DSE: variants seen among roughly 807,000 people sequenced by gnomAD.
The protein encoded by DSE is dermatan sulfate epimerase, also known as dermatan-sulfate epimerase.
Under a neutral mutation model 84.4 loss-of-function variants are expected in DSE, and 36 were observed. The observed-to-expected ratio is 0.43, with a 90% confidence interval of 0.33 to 0.56. The LOEUF (loss-of-function observed/expected upper bound fraction) is 0.56. Among genes scored for constraint, DSE ranks in the 20% least tolerant of loss-of-function variants. DSE has a pLI of 0.06. For synonymous variants in DSE, 410 were observed against 430.1 expected, an observed-to-expected ratio of 0.95 and a Z score of 0.58; for missense variants, 862 against 1,169.6, an observed-to-expected ratio of 0.74 and a Z score of 3.84.
In DSE at chr6:116,431,005, A is replaced by G; in HGVS notation, c.722A>G (p.Glu241Gly). 4 of 1,614,150 alleles carry G rather than the reference A, an allele frequency of 2.5e-6. No individual in the cohort carries two copies. The highest frequency in any genetic ancestry group is 3.4e-6 in the Non-Finnish European group (4 of 1,180,034). Residue 241 changes from glutamate (E) to glycine (G), a missense_variant, in exon 4 of 6, where the codon GAG (glutamate) becomes GGG (glycine). Physicochemically the swap from Glu to Gly is moderately conservative, Grantham distance 98. Around this residue, in one of 4 missense-constraint regions of DSE, gnomAD observed 309 missense variants for 516.9 expected, o/e 0.60. Coordinates refer to ENST00000644252, the MANE Select transcript of DSE (RefSeq NM_013352.4). ...ACCAAACAAGTTCTGACCATCATGG[A>G]GAAATCTCTGGTCTTGCTCAGGGAG... ...LWTKQVLTIM[E>G]KSLVLLREVT...
At chr6:116,392,770 C>G (rs773872872) in intron 1 of DSE, among the ~76,000 whole-genome samples, 2 of 152,166 alleles carry the variant, frequency 1.3e-5, no homozygotes, top group Non-Finnish European at 2.9e-5. Context: ...AGACAGTTAT[C>G]TAATAATTCA....
chr6:116,279,649 G>C (rs1415426376), intron 2 of DSE: 1 of 1,605,914 alleles, frequency 6.2e-7, no homozygotes, highest in South Asian at 1.1e-5. Flanking sequence ...AGGCGGTGGA[G>C]GCGGGAGCGC....
intron 1 of DSE, among the ~76,000 whole-genome samples, chr6:116,396,216 A>G (rs141590063): frequency 6.6e-5 from 10 of 152,316 alleles, no homozygotes; most frequent in East Asian, 1.9e-4. Context: ...TCCATGATAC[A>G]TAGAGGAAGA....
chr6:116,355,434 A>G (rs1464328352), intron 2 of DSE, among the ~76,000 whole-genome samples: 2 of 152,170 alleles, frequency 1.3e-5, no homozygotes, highest in Non-Finnish European at 2.9e-5. Context: ...CTTCTACTCC[A>G]ATTAGGCCAC....
At chr6:116,370,863 C>A (rs1043204967), upstream of DSE, 61 of 985,810 alleles carry the variant, frequency 6.2e-5, no homozygotes, top group African/African-American at 1.2e-4. Flanking sequence ...TTTCCTCCCC[C>A]CTCCAGCGGA....
upstream of DSE, among the ~76,000 whole-genome samples, chr6:116,367,583 CAAG>C (rs1184439153): frequency 6.6e-6 from 1 of 152,004 alleles, no homozygotes; most frequent in East Asian, 1.9e-4. Flanking sequence ...TTTGTTCAGA[CAAG>C]AAGAACATGG....
intron 1 of DSE, chr6:116,257,417 C>T (rs2114587265): frequency 6.6e-6 from 1 of 152,352 alleles, no homozygotes; most frequent in African/African-American, 2.4e-5. Flanking sequence ...GAAAAGCCAC[C>T]TTCTTAGAAA....
intron 2 of DSE, among the ~76,000 whole-genome samples, chr6:116,362,727 A>G (rs1778974020): frequency 6.6e-6 from 1 of 152,208 alleles, no homozygotes; most frequent in Admixed American, 6.5e-5. Context: ...GCAGTGGTCC[A>G]TGGACCATAT....
Position 116,435,624 on chromosome 6 carries a change from T to G in DSE, c.1156T>G (p.Phe386Val), listed in dbSNP as rs774753703. ...CTTGAAATCGGTTCCTCCTCCAGAC[T>G]TTGGCACCCCTACACTGCATTATTT... is the stretch of plus-strand genomic sequence containing the variant. ...GSLKSVPPPD[F>V]GTPTLHYFED... Residue 386 changes from phenylalanine to valine, a missense_variant, in exon 6 of 6, where the codon TTT becomes GTT. Transcript: ENST00000644252. The G allele has an allele frequency of 1.8e-5, 29 of 1,594,516 alleles. No homozygotes were observed. Among genetic ancestry groups the G allele is most frequent in the Non-Finnish European group, 2.5e-5 (29 of 1,169,250 alleles).
chr6:116,409,620 A>G (rs1157609485), intron 2 of DSE, among the ~76,000 whole-genome samples: 1 of 152,174 alleles, frequency 6.6e-6, no homozygotes, highest in African/African-American at 2.4e-5. Flanking sequence ...TGGGTATTTT[A>G]TTAGGCATTG....
intron 2 of DSE, among the ~76,000 whole-genome samples, chr6:116,341,875 T>G (rs984819942): frequency 6.6e-6 from 1 of 152,244 alleles, no homozygotes; most frequent in Non-Finnish European, 1.5e-5. Context: ...ACCAGTACCA[T>G]GCTGTTTTGG....
chr6:116,320,340 T>TA (rs1313630030), intron 2 of DSE, among the ~76,000 whole-genome samples: 1 of 151,570 alleles, frequency 6.6e-6, no homozygotes, highest in Non-Finnish European at 1.5e-5. Context: ...TCTCCTTTGG[T>TA]AAAAATGAGA....
In DSE at chr6:116,359,722, A is replaced by G. The variant is rs191346363; in HGVS notation, c.-53-39476A>G. On this transcript the variant is annotated intron_variant, in intron 2 of 3. Coordinates refer to the DSE transcript ENST00000430252. ...GGACAGGTAATATGGTTAAGTGGAAACAGATAGGCTTTGCAATATTATTAC... is the reference window on the plus strand; with the variant it reads ...GGACAGGTAATATGGTTAAGTGGAAGCAGATAGGCTTTGCAATATTATTAC... Among the ~76,000 whole-genome samples the G allele has an allele frequency of 2.6e-3, 392 of 152,344 alleles. 2 individuals are homozygous for G. Among genetic ancestry groups the G allele is most frequent in the Non-Finnish European group, 4.1e-3 (278 of 68,024 alleles).
chr6:116,371,606 C>G (rs953903033), intron 1 of DSE, among the ~76,000 whole-genome samples: 1 of 152,136 alleles, frequency 6.6e-6, no homozygotes, highest in African/African-American at 2.4e-5. Context: ...CAGATCCTGG[C>G]GCTGGCAACC....
Position 116,399,231 on chromosome 6 carries a change from T to G in DSE, c.-20T>G. The G allele has an allele frequency of 6.2e-7, 1 of 1,613,234 alleles. No individual in the cohort carries two copies. On this transcript the variant is annotated 5_prime_UTR_variant, in exon 2 of 6. Transcript: ENST00000644252. ...GAAGATGGTTTGGCTGCCTTGGAGA[T>G]TTGGAGATCTGATGCCACGATGAGG... is the stretch of plus-strand genomic sequence containing the variant.
At chr6:116,389,413 T>C (rs992580326) in intron 1 of DSE, among the ~76,000 whole-genome samples, 1 of 152,106 alleles carries the variant, frequency 6.6e-6, no homozygotes, top group African/African-American at 2.4e-5. Flanking sequence ...GTGAGGGCTT[T>C]AAAGGTGCTA....
intron 2 of DSE, among the ~76,000 whole-genome samples, chr6:116,261,171 A>T (rs1772397564): frequency 6.6e-6 from 1 of 151,924 alleles, no homozygotes; most frequent in Non-Finnish European, 1.5e-5. Context: ...TTTTGTCGTT[A>T]TCCTTGTAGA....
At chr6:116,357,731 G>A (rs1417515407) in intron 2 of DSE, among the ~76,000 whole-genome samples, 2 of 152,058 alleles carry the variant, frequency 1.3e-5, no homozygotes, top group Non-Finnish European at 1.5e-5. Flanking sequence ...GCTCTGAAGG[G>A]TGCAAAGGAT....
chr6:116,262,254 G>C (rs1453448478), intron 2 of DSE, among the ~76,000 whole-genome samples: 1 of 151,604 alleles, frequency 6.6e-6, no homozygotes, highest in Non-Finnish European at 1.5e-5. Context: ...TGTTGTTGTT[G>C]TTTTGGTTGG....
Sources: gnomAD v4.1 joint callset for allele counts (sites outside exome capture counted in the v4.1 genomes callset) on GRCh38, gnomAD v4.1.1 for gene constraint, gnomAD v4.1.1 regional missense constraint, MANE v1.5 for transcripts, NCBI Gene and HGNC (gene_info 2026-07-23, HGNC 2026-07-21) for gene names.